The following SYTL3 variants were observed in gnomAD, a reference collection of about 807,000 sequenced individuals.
SYTL3 encodes the protein synaptotagmin-like protein 3.
Under a neutral mutation model 82.1 loss-of-function variants are expected in SYTL3, and 88 were observed. The observed-to-expected ratio is 1.07, with a 90% confidence interval of 0.90 to 1.28. The LOEUF (loss-of-function observed/expected upper bound fraction) is 1.28, where lower values mean the gene tolerates loss of function less well. SYTL3 is among the 50% of genes most tolerant of loss of function. The probability of loss-of-function intolerance (pLI) is 0.00; values close to 1 mark genes in which losing one functional copy is unlikely to be tolerated. For missense variants in SYTL3, 831 were observed against 757.6 expected (o/e 1.10, Z -1.14); for synonymous variants, 311 against 289.4 (o/e 1.07, Z -0.76).
chr6:158,738,375 A>T (rs376327861), intron 11 of SYTL3, among the ~76,000 whole-genome samples: 1 of 152,174 alleles, frequency 6.6e-6, no homozygotes, highest in South Asian at 2.1e-4. Flanking sequence ...AAATTTCCCA[A>T]TCCTCCTGAT....
chr6:158,710,412 A>G (rs1010846391), intron 8 of SYTL3, among the ~76,000 whole-genome samples: 1 of 152,180 alleles, frequency 6.6e-6, no homozygotes, highest in African/African-American at 2.4e-5. Flanking sequence ...GCAAATACAG[A>G]TGTACAAAAA....
rs555811884 is a variant in SYTL3 at position 158,719,161 on chromosome 6, T to G, written c.720+950T>G. ...ATTTGCTATCTAAGTCATCTAAATATTTTATCTAAATTGCCAGCATTGACT... is the reference window on the plus strand; with the variant it reads ...ATTTGCTATCTAAGTCATCTAAATAGTTTATCTAAATTGCCAGCATTGACT... On this transcript the variant is annotated intron_variant, in intron 10 of 17. Coordinates refer to ENST00000611299, the MANE Select transcript of SYTL3 (RefSeq NM_001242394.2). Among the ~76,000 whole-genome samples the G allele has an allele frequency of 3.2e-4, 48 of 152,342 alleles. 1 individual carries two copies. In the South Asian group the frequency reaches 9.7e-3, roughly 31 times the overall value.
At chr6:158,665,948 A>G (rs1789998913) in intron 5 of SYTL3, among the ~76,000 whole-genome samples, 2 of 152,002 alleles carry the variant, frequency 1.3e-5, no homozygotes, top group Admixed American at 6.6e-5. Context: ...CATCTCTACA[A>G]AAAAATACAA....
chr6:158,730,988 TA>T (rs1456615711), intron 11 of SYTL3, among the ~76,000 whole-genome samples: 1 of 151,982 alleles, frequency 6.6e-6, no homozygotes, highest in Non-Finnish European at 1.5e-5. Context: ...CCTCCAGTAG[TA>T]AAAAAGATAT....
chr6:158,692,773 T>TA (rs35173536), intron 6 of SYTL3, among the ~76,000 whole-genome samples: 21,970 of 121,538 alleles, frequency 0.18, 1,988 homozygotes, highest in South Asian at 0.27. Context: ...CCGTCTCTAC[T>TA]AAAAAAAAAA....
chr6:158,683,533 C>G (rs1778969774), intron 6 of SYTL3, among the ~76,000 whole-genome samples: 1 of 152,164 alleles, frequency 6.6e-6, no homozygotes, highest in South Asian at 2.1e-4. Flanking sequence ...TGGCCCCATT[C>G]TTTAAGGCTC....
intron 2 of SYTL3, among the ~76,000 whole-genome samples, chr6:158,659,331 C>T (rs549457104): frequency 7.2e-5 from 11 of 152,148 alleles, no homozygotes; most frequent in Non-Finnish European, 1.5e-4. Flanking sequence ...AGCTGTCTGT[C>T]TAGGGAGTTG....
At chr6:158,739,707 C>T (rs1407723534) in intron 11 of SYTL3, among the ~76,000 whole-genome samples, 1 of 152,124 alleles carries the variant, frequency 6.6e-6, no homozygotes, top group Non-Finnish European at 1.5e-5. Flanking sequence ...CAGGAGCACC[C>T]ACTCACTATG....
intron 11 of SYTL3, among the ~76,000 whole-genome samples, chr6:158,736,614 C>A (rs1786208779): frequency 6.6e-6 from 1 of 151,602 alleles, no homozygotes; most frequent in Non-Finnish European, 1.5e-5. Flanking sequence ...CATGGTGAAA[C>A]CCCATTCTAC....
At position 158,702,346 on chromosome 6, in the gene SYTL3, A is replaced by T. The variant is rs938675990; in HGVS notation, c.395-4884A>T. ...TGTCTCAAAAAAAAAAAAAAAAAAA[A>T]TTTTTTTTTTTTTATAGGACATAGT... On this transcript the variant is annotated intron_variant, in intron 6 of 17. Transcript: ENST00000611299. Among the ~76,000 whole-genome samples, 1,115 of 136,618 alleles carry T rather than the reference A, an allele frequency of 8.2e-3. 14 individuals carry two copies. Among genetic ancestry groups the T allele is most frequent in the African/African-American group, 0.028 (1,002 of 35,174 alleles). The allele number at this position is 136,618 out of a possible 152,430, so 89.6% of individuals were successfully genotyped here.
intron 11 of SYTL3, among the ~76,000 whole-genome samples, chr6:158,738,873 G>T (rs561372364): frequency 2.0e-5 from 3 of 152,340 alleles, no homozygotes; most frequent in Non-Finnish European, 4.4e-5. Flanking sequence ...GGCCAGGCTG[G>T]TCTTGAACTC....
chr6:158,749,725 C>T (rs2128523072), intron 12 of SYTL3, among the ~76,000 whole-genome samples: 1 of 152,144 alleles, frequency 6.6e-6, no homozygotes, highest in Admixed American at 6.5e-5. Context: ...TGGGCTCATG[C>T]AATCCTTCCG....
At chr6:158,763,153 C>A in intron 16 of SYTL3, 151 bp from the exon 17 acceptor site, 1 of 728,436 alleles carries the variant, frequency 1.4e-6, no homozygotes, top group Non-Finnish European at 2.3e-6. Context: ...TGTGCCGAGT[C>A]CTGTGGTTCC....
intron 6 of SYTL3, among the ~76,000 whole-genome samples, chr6:158,696,911 C>T (rs1275963620): frequency 6.6e-6 from 1 of 151,854 alleles, no homozygotes; most frequent in African/African-American, 2.4e-5. Context: ...GTGCTAAGAC[C>T]ATTCAGTAGG....
chr6:158,656,759 T>C (rs1788728080), intron 2 of SYTL3, among the ~76,000 whole-genome samples: 3 of 151,866 alleles, frequency 2.0e-5, no homozygotes, highest in Admixed American at 1.3e-4. Context: ...ACTCCCTTAC[T>C]CTATTGTTGT....
chr6:158,706,682 A>T (rs1440422177), intron 6 of SYTL3, among the ~76,000 whole-genome samples: 3 of 152,186 alleles, frequency 2.0e-5, no homozygotes, highest in African/African-American at 7.2e-5. Context: ...CTGGCGTCTT[A>T]ACACATCATA....
At chr6:158,715,453 T>C (rs1783254033) in intron 9 of SYTL3, among the ~76,000 whole-genome samples, 1 of 152,110 alleles carries the variant, frequency 6.6e-6, no homozygotes, top group African/African-American at 2.4e-5. Context: ...CCTGTGTACC[T>C]GCTCACACAC....
chr6:158,704,452 C>T lies in SYTL3; in HGVS notation c.395-2778C>T, dbSNP rs533217169. ...GACGCGGGGGATTTGCGACCCGGGC[C>T]GAAGCGGAGGTTTCCTAGCTGGGGT... On this transcript the variant is annotated intron_variant, in intron 6 of 17. Transcript: ENST00000611299. Among the ~76,000 whole-genome samples, 26 of 152,356 alleles carry T rather than the reference C, an allele frequency of 1.7e-4. No homozygotes were observed. The South Asian group carries it at 4.8e-3, about 28-fold the overall frequency.
At chr6:158,693,432 G>A (rs184068556) in intron 6 of SYTL3, among the ~76,000 whole-genome samples, 1 of 152,048 alleles carries the variant, frequency 6.6e-6, no homozygotes, top group South Asian at 2.1e-4. Context: ...CTGTCACCCA[G>A]GCTGGAGTGC....
Sources: allele counts gnomAD v4.1 joint callset (sites outside exome capture counted in the v4.1 genomes callset), GRCh38; gene constraint gnomAD v4.1.1; transcripts MANE v1.5; gene names NCBI Gene and HGNC (gene_info 2026-07-23, HGNC 2026-07-21).